Variants in MSRA observed in about 807,000 individuals in gnomAD.
MSRA encodes mitochondrial peptide methionine sulfoxide reductase.
MSRA carries 54 observed loss-of-function variants against 31.3 expected under a neutral mutation model. The observed-to-expected ratio is 1.73, with a 90% CI of 1.39 to 2.17. The LOEUF is 2.17. Among genes scored for constraint, MSRA ranks in the 30% most tolerant of loss-of-function variants. MSRA has a pLI of 0.00. For synonymous variants in MSRA, 169 were observed against 116.5 expected, an observed-to-expected ratio of 1.45 and a Z score of -2.90; for missense variants, 507 against 300.9, an observed-to-expected ratio of 1.69 and a Z score of -5.07.
chr8:10,113,493 C>T (rs1800451465), intron 1 of MSRA, among the ~76,000 whole-genome samples: 1 of 151,144 alleles, frequency 6.6e-6, no homozygotes, highest in South Asian at 2.1e-4. Flanking sequence ...AACTGACGTT[C>T]ATAGGTTTGG....
intron 1 of MSRA, among the ~76,000 whole-genome samples, chr8:10,110,013 C>T (rs1800165490): frequency 6.6e-6 from 1 of 152,058 alleles, no homozygotes; most frequent in African/African-American, 2.4e-5. Flanking sequence ...CTCTTGTTCC[C>T]CACATCCCAG....
chr8:10,089,721 G>C (rs1444367595), intron 1 of MSRA, among the ~76,000 whole-genome samples: 4 of 152,312 alleles, frequency 2.6e-5, no homozygotes, highest in Admixed American at 2.6e-4. Flanking sequence ...CCTTTGTGCT[G>C]CATCAAAACT....
chr8:10,254,542 C>G (rs1054600711), intron 3 of MSRA, among the ~76,000 whole-genome samples: 1 of 152,142 alleles, frequency 6.6e-6, no homozygotes, highest in East Asian at 1.9e-4. Flanking sequence ...ACTTTGTAAT[C>G]CACAACTCAT....
At chr8:10,372,931 C>G (rs1322361841) in intron 5 of MSRA, among the ~76,000 whole-genome samples, 1 of 152,234 alleles carries the variant, frequency 6.6e-6, no homozygotes, top group Non-Finnish European at 1.5e-5. Context: ...CTCTGTCACC[C>G]AGGATGGAGT....
intron 1 of MSRA, among the ~76,000 whole-genome samples, chr8:10,063,310 C>A (rs143244869): frequency 6.6e-6 from 1 of 152,196 alleles, no homozygotes; most frequent in African/African-American, 2.4e-5. Flanking sequence ...CTGAGCTGTT[C>A]AGAGCATTAT....
intron 1 of MSRA, among the ~76,000 whole-genome samples, chr8:10,183,928 TTGG>T (rs1355172260): frequency 2.7e-5 from 4 of 146,302 alleles, no homozygotes; most frequent in East Asian, 4.0e-4. Flanking sequence ...CTTGGTGGTC[TTGG>T]TGGTGGTGCT....
intron 1 of MSRA, among the ~76,000 whole-genome samples, chr8:10,066,757 A>G (rs1797473261): frequency 6.6e-6 from 1 of 151,704 alleles, no homozygotes; most frequent in Non-Finnish European, 1.5e-5. Flanking sequence ...CTGGTCTCGA[A>G]CTCCTGACCT....
intron 1 of MSRA, among the ~76,000 whole-genome samples, chr8:10,189,510 C>A (rs1230056233): frequency 6.6e-6 from 1 of 151,990 alleles, no homozygotes; most frequent in Non-Finnish European, 1.5e-5. Flanking sequence ...TAGCTTATCT[C>A]CCTTGTTGAC....
intron 1 of MSRA, among the ~76,000 whole-genome samples, chr8:10,081,276 C>T (rs544853901): frequency 6.6e-6 from 1 of 152,210 alleles, no homozygotes; most frequent in African/African-American, 2.4e-5. Context: ...AACCTGGCAT[C>T]CCATAGCTGA....
At position 10,186,023 on chromosome 8, in the gene MSRA, G is replaced by A. The variant is rs563072355; in HGVS notation, c.143-21810G>A. Among the ~76,000 whole-genome samples, 3 of 152,064 alleles carry A rather than the reference G, an allele frequency of 2.0e-5. No individual in the cohort carries two copies. The South Asian group carries it at 6.2e-4, about 32-fold the overall frequency. On this transcript the variant is annotated intron_variant, in intron 1 of 5. Coordinates refer to ENST00000317173, the MANE Select transcript of MSRA (RefSeq NM_012331.5). ...TCAGTTCCTTTGTCCCCTGACCATG[G>A]CACTTTCCACACAATACTGCATACG...
intron 1 of MSRA, among the ~76,000 whole-genome samples, chr8:10,125,420 A>G (rs1203923748): frequency 6.6e-6 from 1 of 152,182 alleles, no homozygotes; most frequent in African/African-American, 2.4e-5. Context: ...ATGGAGAAGA[A>G]GAGGGGAGAG....
At chr8:10,406,697 A>C (rs1017252936) in intron 5 of MSRA, among the ~76,000 whole-genome samples, 3 of 152,184 alleles carry the variant, frequency 2.0e-5, no homozygotes, top group African/African-American at 7.2e-5. Context: ...TTCACAGATA[A>C]GCCATATCTC....
At chr8:10,148,608 T>C (rs968565742) in intron 1 of MSRA, among the ~76,000 whole-genome samples, 6 of 151,460 alleles carry the variant, frequency 4.0e-5, no homozygotes, top group African/African-American at 1.5e-4. Flanking sequence ...GATCGCACCA[T>C]TGCACTTCAG....
At chr8:10,197,923 C>G (rs189451285) in intron 1 of MSRA, among the ~76,000 whole-genome samples, 13 of 152,216 alleles carry the variant, frequency 8.5e-5, no homozygotes, top group Non-Finnish European at 1.5e-4. Context: ...AAGGGCTCTG[C>G]TGCACCTTCC....
chr8:10,293,647 C>T (rs938822393), intron 3 of MSRA, among the ~76,000 whole-genome samples: 14 of 152,188 alleles, frequency 9.2e-5, no homozygotes, highest in African/African-American at 3.1e-4. Flanking sequence ...GTCTCTGGTT[C>T]CCCAACCTCT....
At chr8:10,241,490 T>C (rs1019049649) in intron 2 of MSRA, among the ~76,000 whole-genome samples, 1 of 152,220 alleles carries the variant, frequency 6.6e-6, no homozygotes, top group Non-Finnish European at 1.5e-5. Context: ...GTTCGTCATC[T>C]TGAAGACACT....
intron 1 of MSRA, among the ~76,000 whole-genome samples, chr8:10,186,353 G>C (rs900744671): frequency 6.6e-6 from 1 of 152,188 alleles, no homozygotes; most frequent in Non-Finnish European, 1.5e-5. Flanking sequence ...GTAGAGTGAA[G>C]GCAGCCATGG....
Position 10,318,474 on chromosome 8 carries a change from C to T in MSRA, c.437-1409C>T, listed in dbSNP as rs753287223. On this transcript the variant is annotated intron_variant, in intron 4 of 5. Coordinates refer to ENST00000317173, the MANE Select transcript of MSRA (RefSeq NM_012331.5). Reference sequence around the variant, plus strand: ...GAGTGTGGAGGCTACAGTTGACACACACGAATTCTTTCTGCTGGAGAGAAC... The same window carrying T: ...GAGTGTGGAGGCTACAGTTGACACATACGAATTCTTTCTGCTGGAGAGAAC... Among the ~76,000 whole-genome samples, 101 of 152,236 alleles carry T rather than the reference C, an allele frequency of 6.6e-4. 2 individuals are homozygous for T. Among genetic ancestry groups the T allele is most frequent in the Middle Eastern group, 3.4e-3 (1 of 294 alleles).
chr8:10,092,863 G>A (rs186481194), intron 1 of MSRA, among the ~76,000 whole-genome samples: 1 of 152,116 alleles, frequency 6.6e-6, no homozygotes, highest in Non-Finnish European at 1.5e-5. Context: ...GTGTATTTTG[G>A]GGCTCTGTTC....
Sources: allele counts gnomAD v4.1 joint callset (sites outside exome capture counted in the v4.1 genomes callset), GRCh38; gene constraint gnomAD v4.1.1; transcripts MANE v1.5; gene names NCBI Gene and HGNC (gene_info 2026-07-23, HGNC 2026-07-21).